The following EARS2 variants were observed in gnomAD, a reference collection of about 807,000 sequenced individuals.
EARS2 encodes the protein glutamyl-tRNA synthetase 2, mitochondrial.
In EARS2, 50 loss-of-function variants were observed where a neutral mutation model predicts 54.1. That is an observed-to-expected ratio of 0.92 (90% CI 0.74 to 1.17). The LOEUF (loss-of-function observed/expected upper bound fraction) is 1.17, where lower values mean the gene tolerates loss of function less well. Among genes scored for constraint, EARS2 ranks in the 50% most tolerant of loss-of-function variants. The probability of loss-of-function intolerance (pLI) is 0.00; values close to 1 mark genes in which losing one functional copy is unlikely to be tolerated. For missense variants in EARS2, 673 were observed against 675.0 expected, an observed-to-expected ratio of 1.00 and a Z score of 0.03; for synonymous variants, 298 against 281.0, an observed-to-expected ratio of 1.06 and a Z score of -0.61.
chr16:23,525,035 T>A, intron 8 of EARS2: 2 of 650,406 alleles, frequency 3.1e-6, no homozygotes, highest in Non-Finnish European at 2.6e-6. Context: ...TATGTGTGTT[T>A]AATTCTATAT....
At position 23,549,353 on chromosome 16, in the gene EARS2, G is replaced by A. The variant is rs1181948122; in HGVS notation, c.295+2796C>T. Among the ~76,000 whole-genome samples, 4 of 152,312 alleles carry A rather than the reference G, an allele frequency of 2.6e-5. No homozygotes were observed. The East Asian group carries it at 7.7e-4, about 29-fold the overall frequency. On this transcript the variant is annotated intron_variant, in intron 2 of 8. Transcript: ENST00000449606. The stretch of plus-strand genomic sequence containing the variant: ...CTCGTGGCACACCCAGTCCAGCCAT[G>A]GGCTGAGTGTGGAGCCATGGCAGGT...
Position 23,522,109 on chromosome 16 carries a change from C to T in EARS2, c.*2262G>A, listed in dbSNP as rs1965149620. 3.7e-6 allele frequency: 1 copy of T among 272,856 alleles called. No homozygotes were observed. Among genetic ancestry groups the T allele is most frequent in the Non-Finnish European group, 7.5e-6 (1 of 134,188 alleles). The allele number at this position is 272,856 out of a possible 1,614,324, so 16.9% of individuals were successfully genotyped here. A position where few individuals can be genotyped will look rare whatever the true frequency, so the allele number is the denominator to read the frequency against. ...AGAGGGTGAGGCTCATATAAGCGCA[C>T]AATAAATTACAAGTATTATTATTGT... On this transcript the variant is annotated 3_prime_UTR_variant, in exon 9 of 9. Transcript: ENST00000449606.
At chr16:23,547,445 T>C (rs919549668) in intron 2 of EARS2, among the ~76,000 whole-genome samples, 1 of 152,166 alleles carries the variant, frequency 6.6e-6, no homozygotes, top group African/African-American at 2.4e-5. Context: ...ACAGTAAATA[T>C]ATTGAAAACC....
intron 3 of EARS2, chr16:23,535,598 T>A (rs986765850): frequency 2.4e-5 from 14 of 578,932 alleles, no homozygotes; most frequent in Non-Finnish European, 3.4e-5. Context: ...AACAAGAAAA[T>A]AGCAAAATGC....
At chr16:23,556,859 A>T (rs1215273405) in intron 1 of EARS2, 2 of 552,228 alleles carry the variant, frequency 3.6e-6, no homozygotes, top group Admixed American at 4.6e-5. Flanking sequence ...CAGCCACTAG[A>T]ATGCAGACTT....
chr16:23,556,797 G>C (rs1965796043), intron 1 of EARS2: 3 of 439,910 alleles, frequency 6.8e-6, no homozygotes, highest in African/African-American at 2.0e-5. Flanking sequence ...TTCACTTCCC[G>C]CATGGCACAT....
rs1280737464 is a variant in EARS2, at chr16:23,523,670, C to CTGT, written c.*698_*700dup. 4.6e-5 allele frequency: 7 copies of CTGT among 152,276 alleles called. No homozygotes were observed. The highest frequency in any genetic ancestry group is 9.6e-5 in the African/African-American group (4 of 41,464). 9.4% of individuals were successfully genotyped at this position (152,276 alleles called of 1,614,324 possible). A position where few individuals can be genotyped will look rare whatever the true frequency, so the allele number is the denominator to read the frequency against. On this transcript the variant is annotated 3_prime_UTR_variant, in exon 9 of 9. Coordinates refer to ENST00000449606, the MANE Select transcript of EARS2 (RefSeq NM_001083614.2). ...CTGCCCAGCTGCTACGGGCTGAATT[C>CTGT]TGTCCCCCTAAATTCTTACGTTGAG...
In EARS2 at chr16:23,552,212, T is replaced by C. The variant is rs1420168576; in HGVS notation, c.232A>G (p.Thr78Ala). 1 of 1,614,212 alleles carries C rather than the reference T, an allele frequency of 6.2e-7. No homozygotes were observed. The change falls in exon 2 of 9, where the codon ACA becomes GCA. Residue 78 changes from threonine to alanine, a missense_variant. Transcript: ENST00000449606. ...QGSFILRLED[T>A]DQTRVVPGAA... ...CCAGGCACAACGCGAGTCTGATCTG[T>C]GTCCTCTAGCCTCAGGATGAAGCTC...
intron 2 of EARS2, among the ~76,000 whole-genome samples, chr16:23,545,573 G>A (rs570750565): frequency 4.6e-5 from 7 of 152,302 alleles, no homozygotes; most frequent in South Asian, 2.1e-4. Context: ...TCACCTGGCC[G>A]AGTAGAAGGG....
At chr16:23,528,071 G>A (rs1033746718) in intron 7 of EARS2, among the ~76,000 whole-genome samples, 8 of 152,084 alleles carry the variant, frequency 5.3e-5, no homozygotes, top group African/African-American at 1.7e-4. Flanking sequence ...AGGATGCAGC[G>A]AAGGGCTGGA....
rs565781723 is a variant in EARS2, at chr16:23,540,748, C to T, written c.485+3766G>A. Among the ~76,000 whole-genome samples the T allele has an allele frequency of 2.3e-3, 347 of 151,878 alleles. 1 individual carries two copies. The highest frequency in any genetic ancestry group is 3.9e-3 in the African/African-American group (161 of 41,414). ...AGCTCGTCCTAGCACTTTGGGAGGC[C>T]GAGGCAGGTGGATTGCCTGAGCTCA... On this transcript the variant is annotated intron_variant, in intron 3 of 8. Coordinates refer to ENST00000449606, the MANE Select transcript of EARS2 (RefSeq NM_001083614.2).
At chr16:23,536,098 G>A (rs1404778831) in intron 3 of EARS2, among the ~76,000 whole-genome samples, 1 of 152,182 alleles carries the variant, frequency 6.6e-6, no homozygotes, top group East Asian at 1.9e-4. Flanking sequence ...TTGGGAGTCT[G>A]CCAGAAATGC....
chr16:23,537,662 TC>T (rs1198565989), intron 3 of EARS2: 1 of 152,246 alleles, frequency 6.6e-6, no homozygotes. Context: ...AGTCTTGACT[TC>T]CTGGGCTCAT....
Position 23,544,691 on chromosome 16 carries a change from T to A in EARS2, c.308A>T (p.Asp103Val). Residue 103 changes from aspartate to valine, a missense_variant, in exon 3 of 9, where the codon GAT becomes GTT. By Grantham distance (152) the Asp-to-Val change is radical. Transcript: ENST00000449606. ...AGGACCGCCCCGGCGGGGGCTCTCA[T>A]CAGGCGGGATGCCTGGAACACAGGG... The part of the protein sequence containing the change: ...DMLEWAGIPP[D>V]ESPRRGGPAG... 13 of 1,602,618 alleles carry A rather than the reference T, an allele frequency of 8.1e-6. No homozygotes were observed. The highest frequency in any genetic ancestry group is 1.1e-5 in the Non-Finnish European group (13 of 1,175,818).
chr16:23,541,476 C>T (rs1431073262), intron 3 of EARS2, among the ~76,000 whole-genome samples: 1 of 152,112 alleles, frequency 6.6e-6, no homozygotes, highest in South Asian at 2.1e-4. Context: ...AGATGGTAAG[C>T]GGACATGGTA....
intron 1 of EARS2, chr16:23,552,971 CA>C: frequency 1.3e-5 from 4 of 317,342 alleles, no homozygotes; most frequent in South Asian, 2.4e-5. Flanking sequence ...CTTGTCTTAG[CA>C]AAAAATATAA....
chr16:23,547,059 C>A (rs1965614882), intron 2 of EARS2, among the ~76,000 whole-genome samples: 1 of 152,194 alleles, frequency 6.6e-6, no homozygotes, highest in Non-Finnish European at 1.5e-5. Context: ...TTAACTTAAA[C>A]TCTGGCATGT....
In EARS2 at chr16:23,557,323, T is replaced by C; in HGVS notation, c.21A>G (p.Arg7=). The C allele has an allele frequency of 6.5e-7, 1 of 1,539,328 alleles. No individual in the cohort carries two copies. Among genetic ancestry groups the C allele is most frequent in the African/African-American group, 1.4e-5 (1 of 73,508 alleles). ...CCGAAGGCCTCTCGCGCTGCAGCAG[T>C]CTCCTCAGGAGCGCCGCCATGTGGG... MAALLR[R]LLQRERPSAA... Residue 7 remains arginine (R), a synonymous_variant, in exon 1 of 9, where the codon AGA becomes AGG. Transcript: ENST00000449606.
At chr16:23,524,976 G>A (rs1965200192) in intron 8 of EARS2, 12 of 585,804 alleles carry the variant, frequency 2.0e-5, no homozygotes, top group Middle Eastern at 4.5e-4. Context: ...GCTGTTGCTA[G>A]GTCTGTTATC....
Sources: allele counts gnomAD v4.1 joint callset (sites outside exome capture counted in the v4.1 genomes callset), GRCh38; gene constraint gnomAD v4.1.1; transcripts MANE v1.5; gene names NCBI Gene and HGNC (gene_info 2026-07-23, HGNC 2026-07-21).